The following PAM variants were observed in gnomAD, a reference collection of about 807,000 sequenced individuals.
PAM encodes peptidyl-glycine alpha-amidating monooxygenase.
PAM carries 72 observed loss-of-function variants against 122.1 expected under a neutral mutation model. That is an observed-to-expected ratio of 0.59 (90% CI 0.49 to 0.72). The LOEUF is 0.72. PAM is among the 30% of genes least tolerant of loss of function. The pLI is 0.00. For missense variants in PAM, 1,106 were observed against 1,183.7 expected, an observed-to-expected ratio of 0.93 and a Z score of 0.96; for synonymous variants, 389 against 404.4, an observed-to-expected ratio of 0.96 and a Z score of 0.46.
chr5:102,953,387 G>A (rs1294771716), intron 12 of PAM, among the ~76,000 whole-genome samples: 1 of 152,148 alleles, frequency 6.6e-6, no homozygotes, highest in African/African-American at 2.4e-5. Context: ...ACAAGGAGGG[G>A]GGGGAATCCT....
intron 1 of PAM, among the ~76,000 whole-genome samples, chr5:102,789,302 A>C (rs1176044908): frequency 6.6e-6 from 1 of 152,128 alleles, no homozygotes; most frequent in Non-Finnish European, 1.5e-5. Flanking sequence ...ACCCAAAAGA[A>C]TTGAATGCAG....
chr5:102,866,047 G>A lies in PAM; in HGVS notation c.-149G>A, dbSNP rs1785452131. Reference sequence around the variant, plus strand: ...TCGCCGCGGCCAGCTCGCTGCTCTCGCTGGCGGATGGTGTGTGGCCGCCGC... The same window carrying A: ...TCGCCGCGGCCAGCTCGCTGCTCTCACTGGCGGATGGTGTGTGGCCGCCGC... On this transcript the variant is annotated 5_prime_UTR_variant, in exon 2 of 26. Transcript: ENST00000438793. The A allele has an allele frequency of 4.3e-6, 2 of 470,080 alleles. No homozygotes were observed. Among genetic ancestry groups the A allele is most frequent in the South Asian group, 8.0e-5 (2 of 25,034 alleles). 29.1% of individuals were successfully genotyped at this position (470,080 alleles called of 1,614,324 possible).
chr5:102,866,129 A>T lies in PAM; in HGVS notation c.-67A>T. ...GCGGCTGCTGGCGGCGCCGCTGCCCAACCGCCAGCCCCAGCCCCGCGCTGC... is the reference window on the plus strand; with the variant it reads ...GCGGCTGCTGGCGGCGCCGCTGCCCTACCGCCAGCCCCAGCCCCGCGCTGC... On this transcript the variant is annotated 5_prime_UTR_variant, in exon 2 of 26. Coordinates refer to ENST00000438793, the MANE Select transcript of PAM (RefSeq NM_001177306.2). The T allele has an allele frequency of 8.7e-7, 1 of 1,145,044 alleles. No homozygotes were observed. The highest frequency in any genetic ancestry group is 1.3e-6 in the Non-Finnish European group (1 of 782,722). The allele number at this position is 1,145,044 out of a possible 1,614,324, so 70.9% of individuals were successfully genotyped here. A position where few individuals can be genotyped will look rare whatever the true frequency, so the allele number is the denominator to read the frequency against.
In PAM at chr5:102,985,023, A is replaced by T. The variant is rs866748111; in HGVS notation, c.1484-5249A>T. ...AATTATGAAGGAAATAAAAAAAAAA[A>T]TTTGAAACAAATGAAAATGGAAACA... On this transcript the variant is annotated intron_variant, in intron 15 of 25. Coordinates refer to ENST00000438793, the MANE Select transcript of PAM (RefSeq NM_001177306.2). Among the ~76,000 whole-genome samples the T allele has an allele frequency of 4.6e-4, 70 of 151,436 alleles. 1 individual carries two copies. Among genetic ancestry groups the T allele is most frequent in the African/African-American group, 6.4e-4 (26 of 40,870 alleles).
chr5:102,775,421 C>T (rs1179690389), intron 1 of PAM, among the ~76,000 whole-genome samples: 2 of 152,020 alleles, frequency 1.3e-5, no homozygotes, highest in East Asian at 3.9e-4. Context: ...TGATGGTTTG[C>T]TTCACCTATC....
chr5:102,987,141 C>G (rs1292479853), intron 15 of PAM, among the ~76,000 whole-genome samples: 2 of 152,038 alleles, frequency 1.3e-5, no homozygotes, highest in African/African-American at 4.8e-5. Context: ...GATATGGAAT[C>G]AACCTAAGAA....
At chr5:102,886,554 A>G (rs972584934) in intron 3 of PAM, among the ~76,000 whole-genome samples, 3 of 151,958 alleles carry the variant, frequency 2.0e-5, no homozygotes, top group South Asian at 2.1e-4. Context: ...GTAATGTTAC[A>G]GAATACGTAT....
intron 16 of PAM, among the ~76,000 whole-genome samples, chr5:103,002,256 C>A: frequency 6.6e-6 from 1 of 151,918 alleles, no homozygotes; most frequent in East Asian, 1.9e-4. Context: ...ATATTACTAA[C>A]AATTTAAATG....
intron 15 of PAM, among the ~76,000 whole-genome samples, chr5:102,986,324 T>C (rs1207619660): frequency 1.3e-5 from 2 of 152,122 alleles, no homozygotes; most frequent in African/African-American, 2.4e-5. Flanking sequence ...TGATCTTATA[T>C]AGAGAAAAAC....
At chr5:103,010,873 T>A (rs1426991400) in intron 21 of PAM, among the ~76,000 whole-genome samples, 1 of 152,178 alleles carries the variant, frequency 6.6e-6, no homozygotes, top group East Asian at 1.9e-4. Context: ...ATAATAATAA[T>A]CACATCATAG....
chr5:103,019,795 G>A lies in PAM; in HGVS notation c.2437G>A (p.Glu813Lys). 6.2e-7 allele frequency: 1 copy of A among 1,601,550 alleles called. No individual in the cohort carries two copies. Residue 813 changes from glutamate to lysine, a missense_variant, in exon 23 of 26, where the codon GAA becomes AAA. Coordinates refer to ENST00000438793, the MANE Select transcript of PAM (RefSeq NM_001177306.2). ...TCCTTGTTGTGTTGTTACAGAATTG[G>A]AACATCGATCAGTTAAAAAGGCTGG... ...VWKFTLTEKLEHRSVKKAGIE... is the reference protein window; with the variant it reads ...VWKFTLTEKLKHRSVKKAGIE...
chr5:102,843,070 C>T (rs961023397), intron 1 of PAM, among the ~76,000 whole-genome samples: 1 of 152,156 alleles, frequency 6.6e-6, no homozygotes, highest in Non-Finnish European at 1.5e-5. Context: ...ATCAGTGGTA[C>T]TGTTGTACAG....
intron 1 of PAM, among the ~76,000 whole-genome samples, chr5:102,847,862 T>C (rs973955409): frequency 6.6e-6 from 1 of 152,190 alleles, no homozygotes; most frequent in African/African-American, 2.4e-5. Context: ...TTTCTTCCAT[T>C]GTGCCCTATT....
chr5:102,875,889 T>G (rs1789023056), intron 3 of PAM, among the ~76,000 whole-genome samples: 1 of 152,228 alleles, frequency 6.6e-6, no homozygotes, highest in South Asian at 2.1e-4. Flanking sequence ...CCATTTAGGC[T>G]AATAAATGGA....
At chr5:102,999,141 C>G (rs982187561) in intron 16 of PAM, among the ~76,000 whole-genome samples, 3 of 152,120 alleles carry the variant, frequency 2.0e-5, no homozygotes, top group African/African-American at 7.2e-5. Context: ...GTAACCACCC[C>G]CATGATTCAA....
intron 12 of PAM, among the ~76,000 whole-genome samples, chr5:102,954,581 C>T (rs1180273155): frequency 6.6e-6 from 1 of 151,166 alleles, no homozygotes; most frequent in African/African-American, 2.4e-5. Context: ...AAAGTTGCAC[C>T]AAAGTATTAT....
intron 3 of PAM, among the ~76,000 whole-genome samples, chr5:102,875,354 G>A (rs1475900406): frequency 2.0e-5 from 3 of 151,728 alleles, no homozygotes; most frequent in Admixed American, 6.6e-5. Context: ...CACCATACCC[G>A]GCTTAATTTT....
At chr5:102,806,053 T>TA (rs368784124) in intron 1 of PAM, among the ~76,000 whole-genome samples, 3 of 152,224 alleles carry the variant, frequency 2.0e-5, no homozygotes, top group East Asian at 1.9e-4. Context: ...GGTACCTTTT[T>TA]AAAAAAACAT....
intron 1 of PAM, among the ~76,000 whole-genome samples, chr5:102,801,279 C>A (rs771512077): frequency 2.6e-5 from 4 of 152,082 alleles, no homozygotes; most frequent in Non-Finnish European, 5.9e-5. Flanking sequence ...TATAAATTAT[C>A]TTTCAGCTTT....
Sources: gnomAD v4.1 joint callset for allele counts (sites outside exome capture counted in the v4.1 genomes callset) on GRCh38, gnomAD v4.1.1 for gene constraint, MANE v1.5 for transcripts, NCBI Gene and HGNC (gene_info 2026-07-23, HGNC 2026-07-21) for gene names.